Variants in SYNE2 observed in about 807,000 individuals in gnomAD.
The protein encoded by SYNE2 is nesprin-2.
Under a neutral mutation model 856.3 loss-of-function variants are expected in SYNE2, and 431 were observed. The observed-to-expected ratio is 0.50, with a 90% CI of 0.47 to 0.55. SYNE2 has a LOEUF of 0.55. Ranked by LOEUF, SYNE2 falls within the 20% of genes least tolerant of loss-of-function variation. The probability of loss-of-function intolerance (pLI) is 0.00; values close to 1 mark genes in which losing one functional copy is unlikely to be tolerated. For missense variants in SYNE2, 8,129 were observed against 8,023.2 expected (o/e 1.01, Z -0.50); for synonymous variants, 2,923 against 2,872.3 (o/e 1.02, Z -0.56).
At chr14:64,189,162 C>T (rs1034970399) in intron 98 of SYNE2, among the ~76,000 whole-genome samples, 2 of 151,930 alleles carry the variant, frequency 1.3e-5, no homozygotes, top group African/African-American at 2.4e-5. Flanking sequence ...GGTGAAACCT[C>T]GTCTCTACTA....
intron 45 of SYNE2, among the ~76,000 whole-genome samples, chr14:64,035,322 A>G (rs998241820): frequency 6.6e-6 from 1 of 151,890 alleles, no homozygotes; most frequent in South Asian, 2.1e-4. Flanking sequence ...AATTATGTCT[A>G]TTTCTGGTGT....
At chr14:64,201,043 T>A (rs911639365) in intron 99 of SYNE2, among the ~76,000 whole-genome samples, 2 of 152,226 alleles carry the variant, frequency 1.3e-5, no homozygotes, top group Non-Finnish European at 2.9e-5. Context: ...TGACTTTACA[T>A]GCAGCCTCTT....
rs375441830 is a variant in SYNE2, at chr14:64,041,738, A to G, written c.7222-6262A>G. Among the ~76,000 whole-genome samples the G allele has an allele frequency of 1.2e-4, 19 of 152,032 alleles. 1 individual carries two copies. The highest frequency in any genetic ancestry group is 4.6e-4 in the African/African-American group (19 of 41,474). On this transcript the variant is annotated intron_variant, in intron 45 of 115. Transcript: ENST00000555002. ...GGTGGTGTGTGCCTGTGGTCCCACC[A>G]ACTTGGGAGGCTGAAACAGGAGAAT...
Position 64,215,342 on chromosome 14 carries a change from A to C in SYNE2, c.19390A>C (p.Lys6464Gln). 1 of 1,614,114 alleles carries C rather than the reference A, an allele frequency of 6.2e-7. No individual in the cohort carries two copies. Among genetic ancestry groups the C allele is most frequent in the Non-Finnish European group, 8.5e-7 (1 of 1,180,030 alleles). ...TCTTAAAATGACCACAAAAACTTTG[A>C]AAGCGTCTTCTGGTAGGCCCCCGCC... ...AYLKMTTKTL[K>Q]ASSGKSISDG... Residue 6464 changes from lysine to glutamine, a missense_variant, in exon 107 of 116, where the codon AAA becomes CAA. Lys to Gln is a moderately conservative substitution (Grantham distance 53). Transcript: ENST00000555002.
At chr14:64,192,375 T>C (rs945203545) in intron 99 of SYNE2, among the ~76,000 whole-genome samples, 1 of 152,196 alleles carries the variant, frequency 6.6e-6, no homozygotes, top group Non-Finnish European at 1.5e-5. Flanking sequence ...AGCTAATGTT[T>C]CCTGAAGGTT....
chr14:64,185,395 A>T (rs1040543891), intron 96 of SYNE2, among the ~76,000 whole-genome samples: 2 of 151,988 alleles, frequency 1.3e-5, no homozygotes, highest in African/African-American at 4.8e-5. Context: ...TAGACTCTTG[A>T]GTGTTCTGGT....
chr14:64,024,712 G>A (rs1312905886), intron 39 of SYNE2, among the ~76,000 whole-genome samples, 200 bp from the exon 40 acceptor site: 1 of 152,106 alleles, frequency 6.6e-6, no homozygotes, highest in Non-Finnish European at 1.5e-5. Flanking sequence ...AGACATTTGT[G>A]TGGTTTTCTT....
chr14:64,049,117 G>A (rs1185066046), intron 46 of SYNE2: 2 of 152,186 alleles, frequency 1.3e-5, no homozygotes, highest in Non-Finnish European at 2.9e-5. Flanking sequence ...GTGAATTTTA[G>A]ACTGGATTTT....
chr14:64,035,092 T>C (rs977702808), intron 45 of SYNE2, among the ~76,000 whole-genome samples: 3 of 151,956 alleles, frequency 2.0e-5, no homozygotes, highest in Non-Finnish European at 4.4e-5. Context: ...TTCCTTATCA[T>C]TGACGTAATT....
intron 1 of SYNE2, among the ~76,000 whole-genome samples, chr14:63,776,481 A>G (rs1416791322): frequency 1.3e-5 from 2 of 152,162 alleles, no homozygotes; most frequent in African/African-American, 4.8e-5. Context: ...AGATCCTTGG[A>G]TGAATTCAAA....
chr14:64,047,722 A>G (rs1324126544), intron 45 of SYNE2, among the ~76,000 whole-genome samples: 1 of 152,172 alleles, frequency 6.6e-6, no homozygotes, highest in Non-Finnish European at 1.5e-5. Context: ...GGGTTTTTTT[A>G]AATACTTTTT....
In SYNE2 at chr14:63,763,406, T is replaced by A. The variant is rs773269592; in HGVS notation, c.-305+1420T>A. ...TTTATACTTTATTTTGTTTACTTTT[T>A]TTTTTCAAGAGACAGAGTCTCTGCC... On this transcript the variant is annotated intron_variant, in intron 1 of 23. Transcript: ENST00000674003. 1.1e-3 allele frequency among the ~76,000 whole-genome samples: 162 copies of A among 152,200 alleles called. 1 individual carries two copies. Among genetic ancestry groups the A allele is most frequent in the Admixed American group, 3.1e-3 (48 of 15,272 alleles).
At chr14:63,812,792 C>T (rs367949090) in intron 1 of SYNE2, among the ~76,000 whole-genome samples, 32 of 152,210 alleles carry the variant, frequency 2.1e-4, no homozygotes, top group African/African-American at 7.2e-4. Flanking sequence ...TTTATAAAGC[C>T]CCTTAGAAAA....
In SYNE2 at chr14:64,002,751, A is replaced by G. The variant is rs1448150407; in HGVS notation, c.3818A>G (p.Glu1273Gly). The G allele has an allele frequency of 6.2e-7, 1 of 1,613,348 alleles. No homozygotes were observed. Among genetic ancestry groups the G allele is most frequent in the East Asian group, 2.2e-5 (1 of 44,876 alleles). ...NIQDSIAKQI[E>G]ICNRLEEPGN... ...CAAGATTCCATAGCAAAACAGATTG[A>G]AATATGTAACCGCTTAGAAGAGCCA... The change falls in exon 30 of 116, where the codon GAA becomes GGA. Residue 1273 changes from glutamate to glycine, a missense_variant. Physicochemically the swap from Glu to Gly is moderately conservative, Grantham distance 98. Around this residue, in one of 3 missense-constraint regions of SYNE2, gnomAD observed 2,422 missense variants for 2,357.4 expected, o/e 1.03. Coordinates refer to ENST00000555002, the MANE Select transcript of SYNE2 (RefSeq NM_182914.3).
Position 64,214,453 on chromosome 14 carries a change from A to C in SYNE2, c.19316A>C (p.Tyr6439Ser), listed in dbSNP as rs753261176. The change falls in exon 106 of 116, where the codon TAC (tyrosine) becomes TCC (serine). Residue 6439 changes from tyrosine to serine, a missense_variant. By Grantham distance (144) the Tyr-to-Ser change is moderately radical. Transcript: ENST00000555002. ...CACGAAGAGGACGAGGAGGGCCCAT[A>C]CTACAGCGCACTGTCAGGTAACAGC... ...SSHEEDEEGP[Y>S]YSALSDVEIP... is the part of the protein sequence containing the mutation. The C allele has an allele frequency of 4.3e-5, 70 of 1,612,898 alleles. No individual in the cohort carries two copies. Among genetic ancestry groups the C allele is most frequent in the Non-Finnish European group, 5.7e-5 (67 of 1,179,882 alleles).
intron 49 of SYNE2, among the ~76,000 whole-genome samples, chr14:64,058,209 A>G (rs1271247878): frequency 6.6e-6 from 1 of 152,182 alleles, no homozygotes; most frequent in Non-Finnish European, 1.5e-5. Context: ...CTGGTGTCCT[A>G]GAGAGTTTTC....
intron 23 of SYNE2, among the ~76,000 whole-genome samples, chr14:63,996,571 C>T (rs2153495175): frequency 6.6e-6 from 1 of 152,154 alleles, no homozygotes; most frequent in Non-Finnish European, 1.5e-5. Flanking sequence ...GCTTTTCGTC[C>T]TCTTGGTGGT....
intron 68 of SYNE2, 118 bp downstream of exon 68, chr14:64,121,179 C>T: frequency 1.4e-6 from 2 of 1,437,774 alleles, no homozygotes; most frequent in Non-Finnish European, 1.9e-6. Context: ...CACCTGTGGC[C>T]AGGTGTTCGA....
At chr14:63,828,769 G>C (rs1323539044) in intron 1 of SYNE2, among the ~76,000 whole-genome samples, 1 of 151,958 alleles carries the variant, frequency 6.6e-6, no homozygotes, top group Non-Finnish European at 1.5e-5. Context: ...AAAATAAAGT[G>C]TATGGGAGGA....
Sources: gnomAD v4.1 joint callset for allele counts (sites outside exome capture counted in the v4.1 genomes callset) on GRCh38, gnomAD v4.1.1 for gene constraint, gnomAD v4.1.1 regional missense constraint, MANE v1.5 for transcripts, NCBI Gene and HGNC (gene_info 2026-07-23, HGNC 2026-07-21) for gene names.